The following TENM3 variants were observed in gnomAD, a reference collection of about 807,000 sequenced individuals.
TENM3 encodes the protein teneurin transmembrane protein 3.
In TENM3, 63 loss-of-function variants were observed where a neutral mutation model predicts 255.1. That is an observed-to-expected ratio of 0.25 (90% CI 0.20 to 0.30). The LOEUF (loss-of-function observed/expected upper bound fraction) is 0.30. Ranked by LOEUF, TENM3 falls within the 10% of genes least tolerant of loss-of-function variation. The probability of loss-of-function intolerance (pLI) is 1.00; values close to 1 mark genes in which losing one functional copy is unlikely to be tolerated. For synonymous variants in TENM3, 1,306 were observed against 1,322.3 expected (o/e 0.99, Z 0.27); for missense variants, 2,929 against 3,461.1 (o/e 0.85, Z 3.86).
At chr4:181,961,441 G>GA in the TENM3 span, among the ~76,000 whole-genome samples, 1 of 152,124 alleles carries the variant, frequency 6.6e-6, no homozygotes, top group Non-Finnish European at 1.5e-5. Context: ...TTGTTGTTGA[G>GA]ATGGAGTCTC....
At chr4:182,687,402 C>A (rs141837069) in intron 11 of TENM3, among the ~76,000 whole-genome samples, 102 of 152,138 alleles carry the variant, frequency 6.7e-4, no homozygotes, top group African/African-American at 2.3e-3. Flanking sequence ...CATCTGAATT[C>A]TTTTTAAAGA....
intron 3 of TENM3, among the ~76,000 whole-genome samples, chr4:182,454,166 G>A (rs1773694778): frequency 6.6e-6 from 1 of 152,124 alleles, no homozygotes; most frequent in South Asian, 2.1e-4. Context: ...CTTGATGGAG[G>A]TGGAAAAAGC....
the TENM3 span, chr4:181,835,100 C>G: frequency 2.0e-5 from 3 of 152,038 alleles, no homozygotes; most frequent in African/African-American, 7.2e-5. Context: ...CCAGGTCACC[C>G]TCAAATTCTA....
At chr4:181,725,364 T>C in the TENM3 span, among the ~76,000 whole-genome samples, 1 of 152,160 alleles carries the variant, frequency 6.6e-6, no homozygotes, top group Non-Finnish European at 1.5e-5. Flanking sequence ...TTACATACAT[T>C]GTTACACCAT....
the TENM3 span, among the ~76,000 whole-genome samples, chr4:181,484,838 G>A: frequency 6.6e-6 from 1 of 152,042 alleles, no homozygotes; most frequent in Non-Finnish European, 1.5e-5. Flanking sequence ...CTAATTTTAT[G>A]TAAGGCCGGG....
chr4:181,916,101 G>A, the TENM3 span, among the ~76,000 whole-genome samples: 3 of 150,922 alleles, frequency 2.0e-5, no homozygotes, highest in African/African-American at 4.9e-5. Flanking sequence ...CCCACCCCAG[G>A]GGTTTAACAT....
the TENM3 span, among the ~76,000 whole-genome samples, chr4:181,753,547 G>A: frequency 6.6e-6 from 1 of 151,944 alleles, no homozygotes; most frequent in African/African-American, 2.4e-5. Flanking sequence ...AAAAAAGATG[G>A]ATTTATCTTG....
At chr4:182,453,214 A>T (rs1773609973) in intron 3 of TENM3, among the ~76,000 whole-genome samples, 1 of 152,180 alleles carries the variant, frequency 6.6e-6, no homozygotes, top group Non-Finnish European at 1.5e-5. Context: ...TTGAAAGTAA[A>T]AATTTTACTA....
the TENM3 span, among the ~76,000 whole-genome samples, chr4:182,042,884 T>C: frequency 1.1e-3 from 87 of 79,304 alleles, no homozygotes; most frequent in African/African-American, 7.0e-3. Flanking sequence ...TGTGTGCGTG[T>C]GTGTGTGTGT....
At chr4:181,748,206 A>T in the TENM3 span, among the ~76,000 whole-genome samples, 3 of 152,102 alleles carry the variant, frequency 2.0e-5, no homozygotes, top group Non-Finnish European at 4.4e-5. Context: ...AATTATTATT[A>T]AATTCCTAGA....
chr4:181,837,156 TATC>T, the TENM3 span, among the ~76,000 whole-genome samples: 2 of 152,248 alleles, frequency 1.3e-5, 1 homozygote, highest in East Asian at 3.9e-4. Context: ...TAGACTATCA[TATC>T]ATTTTTTTTA....
chr4:181,665,573 T>C, the TENM3 span, among the ~76,000 whole-genome samples: 4 of 152,112 alleles, frequency 2.6e-5, no homozygotes, highest in South Asian at 2.1e-4. Context: ...TGTGTGTATA[T>C]ATACAAATTT....
chr4:181,686,927 C>A, the TENM3 span, among the ~76,000 whole-genome samples: 1 of 152,054 alleles, frequency 6.6e-6, no homozygotes, highest in Admixed American at 6.6e-5. Flanking sequence ...CTCTTTTAAA[C>A]TTTATGTTTT....
At chr4:182,656,700 G>C (rs2152521650) in intron 6 of TENM3, among the ~76,000 whole-genome samples, 1 of 152,304 alleles carries the variant, frequency 6.6e-6, no homozygotes, top group Middle Eastern at 3.4e-3. Flanking sequence ...TTATTTCACA[G>C]CTTCTAAATG....
intron 3 of TENM3, among the ~76,000 whole-genome samples, chr4:182,574,127 C>G (rs1357315413): frequency 6.6e-6 from 1 of 152,084 alleles, no homozygotes; most frequent in Admixed American, 6.6e-5. Flanking sequence ...TTTATCCCAA[C>G]TCTCATAATT....
intron 2 of TENM3, among the ~76,000 whole-genome samples, chr4:182,345,790 C>T (rs1158760755): frequency 6.6e-6 from 1 of 152,074 alleles, no homozygotes; most frequent in Non-Finnish European, 1.5e-5. Flanking sequence ...TTTTATTATG[C>T]TCAATTTATT....
At chr4:181,548,374 C>T in the TENM3 span, among the ~76,000 whole-genome samples, 1 of 152,124 alleles carries the variant, frequency 6.6e-6, no homozygotes, top group African/African-American at 2.4e-5. Flanking sequence ...ATGTTTATTG[C>T]AGCACTATTC....
chr4:182,504,056 T>C (rs2151671233), intron 3 of TENM3, among the ~76,000 whole-genome samples: 1 of 152,176 alleles, frequency 6.6e-6, no homozygotes, highest in African/African-American at 2.4e-5. Flanking sequence ...AACTAGAATA[T>C]TTGTAAGCAC....
chr4:182,741,047 G>C lies in TENM3; in HGVS notation c.3380-2123G>C, dbSNP rs555067069. On this transcript the variant is annotated intron_variant, in intron 18 of 27. Transcript: ENST00000511685. ...AAAAATTAGCCAGGCTTAGTAGTGG[G>C]CACCTGTAATCCCAGCTACTCAGGA... Among the ~76,000 whole-genome samples the C allele has an allele frequency of 6.7e-4, 102 of 152,140 alleles. 1 individual carries two copies. The South Asian group carries it at 0.021, about 31-fold the overall frequency.
Sources: gnomAD v4.1 joint callset for allele counts (sites outside exome capture counted in the v4.1 genomes callset) on GRCh38, gnomAD v4.1.1 for gene constraint, MANE v1.5 for transcripts, NCBI Gene and HGNC (gene_info 2026-07-23, HGNC 2026-07-21) for gene names.